BTBD9: variants seen among roughly 807,000 people sequenced by gnomAD.
The protein encoded by BTBD9 is BTB domain containing 9, also known as BTB/POZ domain-containing protein 9.
A neutral mutation model predicts 64.3 loss-of-function variants in BTBD9; 49 were observed. That is an observed-to-expected ratio of 0.76 (90% CI 0.61 to 0.97). The LOEUF is 0.97. BTBD9 is among the 50% of genes least tolerant of loss of function. The pLI is 0.00. For synonymous variants in BTBD9, 260 were observed against 274.7 expected (o/e 0.95, Z 0.53); for missense variants, 598 against 762.1 (o/e 0.78, Z 2.53).
chr6:38,374,026 T>C (rs1448309284), intron 6 of BTBD9, among the ~76,000 whole-genome samples: 1 of 151,590 alleles, frequency 6.6e-6, no homozygotes, highest in African/African-American at 2.4e-5. Flanking sequence ...ATCCCAGCAC[T>C]TTGGGAGGCC....
intron 6 of BTBD9, among the ~76,000 whole-genome samples, chr6:38,439,127 T>TTTTTTTTG (rs1423628087): frequency 6.8e-6 from 1 of 147,404 alleles, no homozygotes; most frequent in African/African-American, 2.5e-5. Context: ...TTTTTTTTTT[T>TTTTTTTTG]TTTTTTTGGT....
At chr6:38,207,928 A>C (rs1762712724) in intron 9 of BTBD9, among the ~76,000 whole-genome samples, 2 of 152,132 alleles carry the variant, frequency 1.3e-5, no homozygotes, top group African/African-American at 4.8e-5. Context: ...CTTTTTGTTA[A>C]AAGTCTTGTG....
At chr6:38,436,372 A>ATT (rs10647439) in intron 6 of BTBD9, among the ~76,000 whole-genome samples, 17,807 of 118,208 alleles carry the variant, frequency 0.15, 1,849 homozygotes, top group African/African-American at 0.2. Context: ...CCCCAATTCT[A>ATT]TTTTTTTTTT....
intron 6 of BTBD9, among the ~76,000 whole-genome samples, chr6:38,440,077 G>A (rs938814413): frequency 1.3e-5 from 2 of 152,158 alleles, no homozygotes; most frequent in Non-Finnish European, 2.9e-5. Context: ...TGTCAAGTAG[G>A]CCACTGAATT....
At chr6:38,619,382 G>A (rs543836789) in intron 1 of BTBD9, among the ~76,000 whole-genome samples, 21 of 152,182 alleles carry the variant, frequency 1.4e-4, no homozygotes, top group Non-Finnish European at 2.8e-4. Flanking sequence ...AACAAGCCTT[G>A]GTGGTTCAGA....
intron 7 of BTBD9, among the ~76,000 whole-genome samples, chr6:38,321,342 T>C (rs900052351): frequency 2.0e-5 from 3 of 152,150 alleles, no homozygotes; most frequent in South Asian, 4.1e-4. Flanking sequence ...GAAGGAAAGG[T>C]ACCCTACAGT....
intron 7 of BTBD9, among the ~76,000 whole-genome samples, chr6:38,326,271 G>A (rs149865533): frequency 6.6e-6 from 1 of 152,298 alleles, no homozygotes; most frequent in Non-Finnish European, 1.5e-5. Flanking sequence ...AAATGGAAAG[G>A]CCTGTGTGGC....
rs76591918 is a variant in BTBD9 at position 38,305,818 on chromosome 6, G to A, written c.1265-17357C>T. Among the ~76,000 whole-genome samples, 808 of 152,214 alleles carry A rather than the reference G, an allele frequency of 5.3e-3. 6 individuals carry two copies. The highest frequency in any genetic ancestry group is 0.018 in the African/African-American group (751 of 41,516). On this transcript the variant is annotated intron_variant, in intron 7 of 10. Coordinates refer to ENST00000481247, the MANE Select transcript of BTBD9 (RefSeq NM_001099272.2). ...TATAAAAGGTCTTTTATGCCCGAGG[G>A]GGAGAAATGTCTGCTTTAGTCACAC...
chr6:38,294,012 G>A (rs745446345), intron 7 of BTBD9, among the ~76,000 whole-genome samples: 1 of 151,824 alleles, frequency 6.6e-6, no homozygotes, highest in African/African-American at 2.4e-5. Flanking sequence ...GCATGCAAAG[G>A]ATATGAACAG....
At chr6:38,363,498 G>GAGC (rs1341537636) in intron 6 of BTBD9, among the ~76,000 whole-genome samples, 2 of 152,244 alleles carry the variant, frequency 1.3e-5, no homozygotes, top group African/African-American at 4.8e-5. Context: ...AGGATGGCTT[G>GAGC]AGCCTAGGAG....
chr6:38,573,840 A>G (rs1453549305), intron 6 of BTBD9, among the ~76,000 whole-genome samples: 1 of 152,144 alleles, frequency 6.6e-6, no homozygotes, highest in African/African-American at 2.4e-5. Context: ...ATTCATTACT[A>G]GTGTTTTCTG....
At chr6:38,247,438 A>G (rs1347675250) in intron 9 of BTBD9, among the ~76,000 whole-genome samples, 1 of 152,218 alleles carries the variant, frequency 6.6e-6, no homozygotes, top group African/African-American at 2.4e-5. Flanking sequence ...AATCATGCTG[A>G]AGACCAGGCA....
chr6:38,362,785 A>G (rs1202658091), intron 6 of BTBD9, among the ~76,000 whole-genome samples: 1 of 152,252 alleles, frequency 6.6e-6, no homozygotes, highest in Non-Finnish European at 1.5e-5. Flanking sequence ...AACTGTCAGC[A>G]GGCTGGAGAA....
chr6:38,430,513 G>GA (rs1015437526), intron 6 of BTBD9, among the ~76,000 whole-genome samples: 10 of 138,930 alleles, frequency 7.2e-5, no homozygotes, highest in East Asian at 2.2e-4. Flanking sequence ...CACCGCAGCT[G>GA]AAAAAAAAAA....
intron 1 of BTBD9, among the ~76,000 whole-genome samples, chr6:38,604,613 G>A (rs753917110): frequency 6.6e-6 from 1 of 152,122 alleles, no homozygotes; most frequent in Non-Finnish European, 1.5e-5. Flanking sequence ...AACTCATAGG[G>A]TGGCTATGAT....
chr6:38,541,687 G>A (rs1400343766), intron 6 of BTBD9, among the ~76,000 whole-genome samples: 1 of 152,108 alleles, frequency 6.6e-6, no homozygotes, highest in African/African-American at 2.4e-5. Context: ...GCTGTGAGCC[G>A]AGATCGCACC....
rs778363862 is a variant in BTBD9, at chr6:38,288,235, C to T, written c.1454+37G>A. 4.4e-6 allele frequency: 7 copies of T among 1,578,356 alleles called. No individual in the cohort carries two copies. In the Admixed American group the frequency reaches 1.0e-4, roughly 23 times the overall value. ...AAATACAATCTATATGTGTATCTTC[C>T]ATTTTAAAACTTATGAATGAGGAGG... is the stretch of plus-strand genomic sequence containing the variant. On this transcript the variant is annotated intron_variant, in intron 8 of 10. Transcript: ENST00000481247.
intron 6 of BTBD9, among the ~76,000 whole-genome samples, chr6:38,394,253 CAG>C (rs1210158067): frequency 6.6e-6 from 1 of 152,086 alleles, no homozygotes; most frequent in African/African-American, 2.4e-5. Flanking sequence ...AGGAGAAAGA[CAG>C]GGCATTCTAA....
chr6:38,429,747 T>C (rs1156268178), intron 6 of BTBD9, among the ~76,000 whole-genome samples: 2 of 152,030 alleles, frequency 1.3e-5, no homozygotes, highest in African/African-American at 4.8e-5. Context: ...GCTCAGAAAC[T>C]ATCAGGTTAA....
Sources: allele counts gnomAD v4.1 joint callset (sites outside exome capture counted in the v4.1 genomes callset), GRCh38; gene constraint gnomAD v4.1.1; transcripts MANE v1.5; gene names NCBI Gene and HGNC (gene_info 2026-07-23, HGNC 2026-07-21).